ZNF43: variants seen among roughly 807,000 people sequenced by gnomAD.
ZNF43 encodes zinc finger protein 39-like 1 (KOX 27).
ZNF43 carries 44 observed loss-of-function variants against 68.4 expected under a neutral mutation model. The ratio of observed to expected loss-of-function variants is 0.64; its 90% CI spans 0.51 to 0.83. The LOEUF is 0.83. Ranked by LOEUF, ZNF43 falls within the 40% of genes least tolerant of loss-of-function variation. The pLI, the probability that ZNF43 is intolerant of heterozygous loss-of-function variation, is 0.00. For missense variants in ZNF43, 896 were observed against 933.2 expected, an observed-to-expected ratio of 0.96 and a Z score of 0.52; for synonymous variants, 308 against 307.8, an observed-to-expected ratio of 1.00 and a Z score of -0.01.
At position 21,808,716 on chromosome 19, in the gene ZNF43, G is replaced by T; in HGVS notation, c.1321C>A (p.Leu441Ile). The part of the protein sequence containing the change: ...CGKAFNWPST[L>I]TKHNRIHTGE... ...GTATGAATTCTGTTATGTTTAGTAA[G>T]GGTTGAGGGCCAGTTAAAGGCTTTG... Residue 441 changes from leucine to isoleucine, a missense_variant, in exon 4 of 4, where the codon CTT becomes ATT. Coordinates refer to ENST00000354959, the MANE Select transcript of ZNF43 (RefSeq NM_003423.4). 4 of 1,612,518 alleles carry T rather than the reference G, an allele frequency of 2.5e-6. No individual in the cohort carries two copies. Among genetic ancestry groups the T allele is most frequent in the Non-Finnish European group, 3.4e-6 (4 of 1,179,750 alleles).
At chr19:21,851,539 C>CAAAAAA (rs759516277) in intron 1 of ZNF43, among the ~76,000 whole-genome samples, 1 of 64,848 alleles carries the variant, frequency 1.5e-5, no homozygotes, top group African/African-American at 4.8e-5. Flanking sequence ...GATTCCCTCT[C>CAAAAAA]AAAAAAAAAA....
In ZNF43 at chr19:21,836,163, C is replaced by G. The variant is rs550701063; in HGVS notation, c.-125G>C. On this transcript the variant is annotated 5_prime_UTR_variant, in exon 1 of 4. Transcript: ENST00000354959. ...AGAAGAACGAAGACGAGACGCAGAG[C>G]TCCAACTGCAGCCAGAGACAAAGGC... 5 of 1,564,730 alleles carry G rather than the reference C, an allele frequency of 3.2e-6. No individual in the cohort carries two copies. Among genetic ancestry groups the G allele is most frequent in the African/African-American group, 1.4e-5 (1 of 73,824 alleles).
At position 21,809,632 on chromosome 19, in the gene ZNF43, G is replaced by A; in HGVS notation, c.405C>T (p.Asn135=). The A allele has an allele frequency of 6.2e-7, 1 of 1,612,114 alleles. No homozygotes were observed. Among genetic ancestry groups the A allele is most frequent in the Non-Finnish European group, 8.5e-7 (1 of 1,179,332 alleles). Residue 135 remains asparagine (N), a synonymous_variant, in exon 4 of 4, where the codon AAC becomes AAT. Coordinates refer to ENST00000354959, the MANE Select transcript of ZNF43 (RefSeq NM_003423.4). Reference sequence around the variant, plus strand: ...TGCTCTGGGTAGCTGGCAAACATTGGTTAAATCCATTATAACCTCCTCTGT... The same window carrying A: ...TGCTCTGGGTAGCTGGCAAACATTGATTAAATCCATTATAACCTCCTCTGT... ...KVHRGGYNGF[N]QCLPATQSKI... is the part of the protein sequence containing the mutation.
chr19:21,847,238 G>A (rs1968015780), intron 1 of ZNF43, among the ~76,000 whole-genome samples: 2 of 152,122 alleles, frequency 1.3e-5, no homozygotes, highest in South Asian at 2.1e-4. Context: ...GCAGGGACAT[G>A]TCACAATGCT....
chr19:21,836,384 C>G (rs1289824326), upstream of ZNF43, among the ~76,000 whole-genome samples: 1 of 152,216 alleles, frequency 6.6e-6, no homozygotes, highest in African/African-American at 2.4e-5. Flanking sequence ...AGGGCTTCCT[C>G]CCTGAGCAGA....
chr19:21,850,542 A>G (rs958070425), intron 1 of ZNF43, among the ~76,000 whole-genome samples: 1 of 152,080 alleles, frequency 6.6e-6, no homozygotes, highest in Non-Finnish European at 1.5e-5. Flanking sequence ...CCTGGGAGAC[A>G]AGGCGATTCT....
intron 1 of ZNF43, among the ~76,000 whole-genome samples, chr19:21,832,244 T>C (rs567931043): frequency 1.3e-5 from 2 of 152,110 alleles, no homozygotes; most frequent in Non-Finnish European, 2.9e-5. Flanking sequence ...CCTACAACCA[T>C]CTGATCTTCA....
rs771438539 is a variant in ZNF43 at position 21,808,355 on chromosome 19, G to C, written c.1682C>G (p.Thr561Ser). The change falls in exon 4 of 4, where the codon ACT becomes AGT. Residue 561 changes from threonine (T) to serine (S), a missense_variant. Coordinates refer to ENST00000354959, the MANE Select transcript of ZNF43 (RefSeq NM_003423.4). ...TTCACACTTGTAGGGTTTCTCTCCA[G>C]TATGAATCCTCTTATGTTTGGTAAG... Reference protein sequence around the residue: ...SILTKHKRIHTGEKPYKCEEC... With the variant: ...SILTKHKRIHSGEKPYKCEEC... 12 of 1,612,538 alleles carry C rather than the reference G, an allele frequency of 7.4e-6. No homozygotes were observed. The highest frequency in any genetic ancestry group is 3.3e-5 in the Admixed American group (2 of 59,908).
chr19:21,809,704 A>G lies in ZNF43; in HGVS notation c.333T>C (p.Asn111=), dbSNP rs1274875978. The G allele has an allele frequency of 1.9e-6, 3 of 1,612,956 alleles. No homozygotes were observed. The highest frequency in any genetic ancestry group is 2.5e-6 in the Non-Finnish European group (3 of 1,179,680). ...TTTTATGGTCTTTTTTTAAATGTAC[A>G]TTTTTATGTTCACAGTTTTTATATC... ...LRRYKNCEHK[N]VHLKKDHKSV... The change falls in exon 4 of 4, where the codon AAT becomes AAC. Residue 111 remains asparagine, a synonymous_variant. Coordinates refer to ENST00000354959, the MANE Select transcript of ZNF43 (RefSeq NM_003423.4).
chr19:21,828,177 A>G (rs2038227054), intron 1 of ZNF43, among the ~76,000 whole-genome samples: 1 of 152,252 alleles, frequency 6.6e-6, no homozygotes, highest in Non-Finnish European at 1.5e-5. Flanking sequence ...TCTAAGTATA[A>G]CCAACTTTAA....
At chr19:21,820,361 C>T (rs1296841361) in intron 1 of ZNF43, among the ~76,000 whole-genome samples, 3 of 121,154 alleles carry the variant, frequency 2.5e-5, no homozygotes, top group Admixed American at 7.8e-5. Flanking sequence ...GGGTGGATCA[C>T]GAGATTAGGA....
At chr19:21,827,298 T>C (rs2038182571) in intron 1 of ZNF43, 1 of 152,132 alleles carries the variant, frequency 6.6e-6, no homozygotes, top group African/African-American at 2.4e-5. Flanking sequence ...AATTGAAATC[T>C]TGAGTTTATT....
chr19:21,831,802 G>C (rs1374721968), intron 1 of ZNF43, among the ~76,000 whole-genome samples: 2 of 152,110 alleles, frequency 1.3e-5, no homozygotes, highest in South Asian at 2.1e-4. Flanking sequence ...GCCACAAAAA[G>C]AATCAAATAT....
intron 1 of ZNF43, among the ~76,000 whole-genome samples, chr19:21,833,953 G>C (rs2038553702): frequency 6.6e-6 from 1 of 151,994 alleles, no homozygotes; most frequent in South Asian, 2.1e-4. Flanking sequence ...CTTGAACCCA[G>C]GAGGCAGAGG....
chr19:21,835,816 G>A lies in ZNF43; in HGVS notation c.3+220C>T, dbSNP rs116563445. Reference sequence around the variant, plus strand: ...GACGCCGCGTTGCGGCTGCAGAGCTGCCCACAGAGGGCTGCAGGCCGGGAC... The same window carrying A: ...GACGCCGCGTTGCGGCTGCAGAGCTACCCACAGAGGGCTGCAGGCCGGGAC... On this transcript the variant is annotated intron_variant, in intron 1 of 3. Coordinates refer to ENST00000354959, the MANE Select transcript of ZNF43 (RefSeq NM_003423.4). 5.2e-3 allele frequency among the ~76,000 whole-genome samples: 787 copies of A among 152,342 alleles called. 7 individuals carry two copies. The highest frequency in any genetic ancestry group is 0.015 in the African/African-American group (639 of 41,586).
At chr19:21,844,921 A>AAAAATATATATAT (rs1310761266) in intron 1 of ZNF43, among the ~76,000 whole-genome samples, 7 of 26,048 alleles carry the variant, frequency 2.7e-4, no homozygotes, top group Admixed American at 7.3e-4. Flanking sequence ...AAAAAAAAAA[A>AAAAATATATATAT]ATATATATAT....
At position 21,806,269 on chromosome 19, in the gene ZNF43, C is replaced by T. The variant is rs966024779; in HGVS notation, c.*1338G>A. On this transcript the variant is annotated 3_prime_UTR_variant, in exon 4 of 4. Coordinates refer to ENST00000354959, the MANE Select transcript of ZNF43 (RefSeq NM_003423.4). ...TCGGCTCACTGAGACCTCCACTTTC[C>T]AGGTTCAAGTGATTCTCCTGCTTCA... 13 of 151,306 alleles carry T rather than the reference C, an allele frequency of 8.6e-5. No individual in the cohort carries two copies. The highest frequency in any genetic ancestry group is 3.2e-4 in the African/African-American group (13 of 41,078). The allele number at this position is 151,306 out of a possible 1,614,324, so 9.4% of individuals were successfully genotyped here. A position where few individuals can be genotyped will look rare whatever the true frequency, so the allele number is the denominator to read the frequency against.
At chr19:21,846,228 C>T (rs1967944591) in intron 1 of ZNF43, among the ~76,000 whole-genome samples, 1 of 152,134 alleles carries the variant, frequency 6.6e-6, no homozygotes, top group Admixed American at 6.6e-5. Flanking sequence ...AGAGTCACAT[C>T]GCATGGGTGC....
chr19:21,835,223 T>C (rs1401563542), intron 1 of ZNF43, among the ~76,000 whole-genome samples: 3 of 113,762 alleles, frequency 2.6e-5, no homozygotes, highest in Non-Finnish European at 3.3e-5. Context: ...CACTCCAGCC[T>C]GGGCAGCAAA....
Sources: gnomAD v4.1 joint callset for allele counts (sites outside exome capture counted in the v4.1 genomes callset) on GRCh38, gnomAD v4.1.1 for gene constraint, MANE v1.5 for transcripts, NCBI Gene and HGNC (gene_info 2026-07-23, HGNC 2026-07-21) for gene names.